Variants in LGR4 observed in about 807,000 individuals in gnomAD.
The protein encoded by LGR4 is leucine-rich repeat-containing G protein-coupled receptor 4.
Under a neutral mutation model 84.8 loss-of-function variants are expected in LGR4, and 44 were observed. The observed-to-expected ratio is 0.52, with a 90% CI of 0.41 to 0.67. The LOEUF is 0.67. LGR4 is among the 30% of genes least tolerant of loss of function. The pLI, the probability that LGR4 is intolerant of heterozygous loss-of-function variation, is 0.00. For missense variants in LGR4, 1,032 were observed against 1,131.4 expected (o/e 0.91, Z 1.26); for synonymous variants, 429 against 434.3 (o/e 0.99, Z 0.15).
chr11:27,437,170 C>T (rs1449138929), intron 1 of LGR4, among the ~76,000 whole-genome samples: 2 of 152,140 alleles, frequency 1.3e-5, no homozygotes, highest in Non-Finnish European at 2.9e-5. Context: ...GTGGCTGACT[C>T]AGGACAACCA....
chr11:27,382,860 T>C (rs1863123100), intron 6 of LGR4, among the ~76,000 whole-genome samples: 1 of 151,866 alleles, frequency 6.6e-6, no homozygotes, highest in South Asian at 2.1e-4. Context: ...CTACTAAAAA[T>C]ACCAAAATTA....
chr11:27,390,737 A>C (rs920287747), intron 4 of LGR4, among the ~76,000 whole-genome samples: 3 of 152,192 alleles, frequency 2.0e-5, no homozygotes, highest in African/African-American at 7.2e-5. Flanking sequence ...TTACCACACG[A>C]AACAGAAACC....
Position 27,377,227 on chromosome 11 carries a change from A to G in LGR4, c.1044-4T>C. ...TATATTATTGTAAGACAAGTCCCTT[A>G]AAACAATGGAAATTAACAAATTAAT... On this transcript the variant is annotated splice_region_variant and splice_polypyrimidine_tract_variant and intron_variant, in intron 11 of 17. Coordinates refer to ENST00000379214, the MANE Select transcript of LGR4 (RefSeq NM_018490.5). 1 of 1,443,900 alleles carries G rather than the reference A, an allele frequency of 6.9e-7. No individual in the cohort carries two copies. The highest frequency in any genetic ancestry group is 9.7e-7 in the Non-Finnish European group (1 of 1,034,712). 89.4% of individuals were successfully genotyped at this position (1,443,900 alleles called of 1,614,324 possible).
At chr11:27,429,787 G>C (rs1864085160) in intron 1 of LGR4, among the ~76,000 whole-genome samples, 1 of 152,168 alleles carries the variant, frequency 6.6e-6, no homozygotes, top group Non-Finnish European at 1.5e-5. Flanking sequence ...ATTTAAAAGA[G>C]CAAAGGAAAA....
intron 2 of LGR4, 133 bp downstream of exon 2, chr11:27,412,656 C>T (rs2133398426): frequency 4.4e-6 from 3 of 687,888 alleles, no homozygotes; most frequent in Non-Finnish European, 7.8e-6. Context: ...ACATGATTTC[C>T]TCCTCACAAA....
chr11:27,467,559 T>A (rs1259526996), intron 1 of LGR4, among the ~76,000 whole-genome samples: 2 of 114,624 alleles, frequency 1.7e-5, no homozygotes, highest in African/African-American at 3.2e-5. Flanking sequence ...AGCGCAAGAG[T>A]CCGTCTCAAA....
chr11:27,466,763 A>T (rs2133461076), intron 1 of LGR4, among the ~76,000 whole-genome samples: 1 of 152,246 alleles, frequency 6.6e-6, no homozygotes, highest in South Asian at 2.1e-4. Context: ...ACCCTAAGTG[A>T]GAGAATTACT....
intron 5 of LGR4, 54 bp from the exon 6 acceptor site, chr11:27,384,461 TATC>T: frequency 8.3e-7 from 1 of 1,210,024 alleles, no homozygotes; most frequent in Non-Finnish European, 1.2e-6. Context: ...TGGCAACTAT[TATC>T]ATTGTTTTAT....
intron 1 of LGR4, among the ~76,000 whole-genome samples, chr11:27,425,582 C>CA (rs1360064857): frequency 6.6e-6 from 1 of 152,076 alleles, no homozygotes; most frequent in Non-Finnish European, 1.5e-5. Flanking sequence ...CTCAGCCTCC[C>CA]AAAGTGCTGG....
intron 1 of LGR4, among the ~76,000 whole-genome samples, chr11:27,425,222 T>C (rs919238972): frequency 6.6e-6 from 1 of 151,978 alleles, no homozygotes; most frequent in Non-Finnish European, 1.5e-5. Context: ...AAATAAAGAA[T>C]GTAAGATTGG....
chr11:27,462,841 G>A (rs1318818893), intron 1 of LGR4, among the ~76,000 whole-genome samples: 5 of 151,726 alleles, frequency 3.3e-5, no homozygotes, highest in Admixed American at 6.6e-5. Flanking sequence ...CCTGAACTCG[G>A]ATGTCTTCAT....
At chr11:27,425,333 T>G (rs1590383519) in intron 1 of LGR4, among the ~76,000 whole-genome samples, 2 of 149,240 alleles carry the variant, frequency 1.3e-5, no homozygotes, top group Non-Finnish European at 1.5e-5. Flanking sequence ...ACAGTTTTTT[T>G]TTTTGTTTTT....
intron 2 of LGR4, among the ~76,000 whole-genome samples, chr11:27,408,461 A>G (rs1345696964): frequency 1.3e-5 from 2 of 152,154 alleles, no homozygotes; most frequent in East Asian, 3.9e-4. Context: ...TTGCCACATC[A>G]AAGTAACAGC....
intron 1 of LGR4, among the ~76,000 whole-genome samples, chr11:27,440,389 T>C (rs928050856): frequency 1.3e-5 from 2 of 152,172 alleles, no homozygotes; most frequent in African/African-American, 4.8e-5. Context: ...CATCTCGAGT[T>C]TTCTATGTGA....
chr11:27,440,123 C>T (rs1864280075), intron 1 of LGR4, among the ~76,000 whole-genome samples: 1 of 152,078 alleles, frequency 6.6e-6, no homozygotes, highest in Admixed American at 6.6e-5. Context: ...CCAGGATGGT[C>T]TTGAACTCCT....
At chr11:27,382,068 T>C in intron 7 of LGR4, 120 bp downstream of exon 7, 1 of 670,446 alleles carries the variant, frequency 1.5e-6, no homozygotes, top group Non-Finnish European at 2.6e-6. Flanking sequence ...ATTTGTGTGT[T>C]TGTGTGCATG....
At chr11:27,424,492 C>T (rs1863983860) in intron 1 of LGR4, among the ~76,000 whole-genome samples, 1 of 152,064 alleles carries the variant, frequency 6.6e-6, no homozygotes, top group Non-Finnish European at 1.5e-5. Flanking sequence ...AAGTGAGACC[C>T]CACGCTTACT....
At chr11:27,404,227 TGCCA>T (rs1863559218) in intron 2 of LGR4, among the ~76,000 whole-genome samples, 1 of 152,218 alleles carries the variant, frequency 6.6e-6, no homozygotes, top group African/African-American at 2.4e-5. Flanking sequence ...TGGAACCCCA[TGCCA>T]AACACTATAA....
At position 27,368,382 on chromosome 11, in the gene LGR4, T is replaced by C. The variant is rs1862808673; in HGVS notation, c.2341A>G (p.Ile781Val). 6.2e-7 allele frequency: 1 copy of C among 1,614,064 alleles called. No homozygotes were observed. Among genetic ancestry groups the C allele is most frequent in the Non-Finnish European group, 8.5e-7 (1 of 1,180,036 alleles). ...LITAISISPE[I>V]MKSVTLIFFP... ...AATATCAGAGTAACAGACTTCATTA[T>C]TTCGGGGCTGATAGAGATTGCAGTG... Residue 781 changes from isoleucine (I) to valine (V), a missense_variant, in exon 18 of 18, where the codon ATA becomes GTA. Coordinates refer to ENST00000379214, the MANE Select transcript of LGR4 (RefSeq NM_018490.5).
Sources: allele counts gnomAD v4.1 joint callset (sites outside exome capture counted in the v4.1 genomes callset), GRCh38; gene constraint gnomAD v4.1.1; transcripts MANE v1.5; gene names NCBI Gene and HGNC (gene_info 2026-07-23, HGNC 2026-07-21).